Variants in FHIT observed in about 807,000 individuals in gnomAD.
The protein encoded by FHIT is fragile histidine triad diadenosine triphosphatase.
Under a neutral mutation model 17.9 loss-of-function variants are expected in FHIT, and 19 were observed. The ratio of observed to expected loss-of-function variants is 1.06; its 90% CI spans 0.74 to 1.56. FHIT has a LOEUF of 1.56. FHIT is among the 40% of genes most tolerant of loss of function. The pLI is 0.00. For missense variants in FHIT, 248 were observed against 189.2 expected (o/e 1.31, Z -1.82); for synonymous variants, 81 against 69.7 (o/e 1.16, Z -0.81).
chr3:60,253,006 T>C (rs1035498360), intron 5 of FHIT, among the ~76,000 whole-genome samples: 1 of 151,598 alleles, frequency 6.6e-6, no homozygotes, highest in African/African-American at 2.4e-5. Context: ...TCAAAATAAA[T>C]AAATGAATAA....
intron 5 of FHIT, among the ~76,000 whole-genome samples, chr3:60,227,362 A>G (rs1183255211): frequency 2.0e-5 from 3 of 152,216 alleles, no homozygotes; most frequent in Non-Finnish European, 4.4e-5. Context: ...CCGAAGGACC[A>G]CCATCCCACC....
At chr3:61,198,706 G>A (rs879740079) in intron 2 of FHIT, among the ~76,000 whole-genome samples, 2 of 151,988 alleles carry the variant, frequency 1.3e-5, no homozygotes, top group Non-Finnish European at 2.9e-5. Flanking sequence ...ACTTCCAGAG[G>A]CCTCACTTCC....
At chr3:60,082,270 C>A (rs1030160332) in intron 5 of FHIT, among the ~76,000 whole-genome samples, 4 of 151,858 alleles carry the variant, frequency 2.6e-5, no homozygotes, top group African/African-American at 9.7e-5. Context: ...TAATGACCTG[C>A]AGCTGCATTC....
At chr3:60,027,161 C>A (rs1700787775) in intron 5 of FHIT, among the ~76,000 whole-genome samples, 1 of 125,996 alleles carries the variant, frequency 7.9e-6, no homozygotes, top group East Asian at 2.7e-4. Context: ...AATTAGTAAA[C>A]CCAATAATCC....
intron 5 of FHIT, among the ~76,000 whole-genome samples, chr3:60,459,642 CAT>C (rs2032333835): frequency 6.6e-6 from 1 of 152,192 alleles, no homozygotes; most frequent in South Asian, 2.1e-4. Context: ...ATTATAAAGA[CAT>C]TTTCCACAAA....
At position 61,248,455 on chromosome 3, in the gene FHIT, T is replaced by A. The variant is rs187668722; in HGVS notation, c.-213+2846A>T. ...GAGACCAGAGTTACCTGCCTTATTA[T>A]CTGTGAATACATAATTGAAAGGGCC... On this transcript the variant is annotated intron_variant, in intron 1 of 9. Transcript: ENST00000492590. 7.2e-5 allele frequency among the ~76,000 whole-genome samples: 11 copies of A among 152,340 alleles called. No individual in the cohort carries two copies. In the East Asian group the frequency reaches 2.1e-3, roughly 29 times the overall value.
At chr3:60,351,431 G>A (rs1013825174) in intron 5 of FHIT, among the ~76,000 whole-genome samples, 5 of 152,158 alleles carry the variant, frequency 3.3e-5, no homozygotes, top group African/African-American at 1.2e-4. Context: ...TGCAGAAAAT[G>A]AGAAAGGCAC....
intron 8 of FHIT, among the ~76,000 whole-genome samples, chr3:59,809,046 T>C (rs72888513): frequency 6.6e-6 from 1 of 152,160 alleles, no homozygotes; most frequent in Non-Finnish European, 1.5e-5. Context: ...AGAACTACAG[T>C]ATCAGCCCAG....
intron 2 of FHIT, among the ~76,000 whole-genome samples, chr3:61,093,604 A>C (rs769861612): frequency 2.2e-4 from 33 of 152,216 alleles, no homozygotes; most frequent in Non-Finnish European, 3.5e-4. Context: ...CCGGGATAGG[A>C]AAGTAGATCA....
At chr3:61,004,134 T>G (rs924650571) in intron 3 of FHIT, among the ~76,000 whole-genome samples, 1 of 152,254 alleles carries the variant, frequency 6.6e-6, no homozygotes, top group Middle Eastern at 3.4e-3. Context: ...ACATGAATAT[T>G]GTGCAAGTGA....
chr3:59,903,232 C>T (rs921936028), intron 8 of FHIT, among the ~76,000 whole-genome samples: 3 of 152,116 alleles, frequency 2.0e-5, no homozygotes, highest in South Asian at 2.1e-4. Context: ...ATGTCCATAA[C>T]AGGCAAATAG....
At chr3:60,452,890 A>G (rs559761377) in intron 5 of FHIT, among the ~76,000 whole-genome samples, 7 of 152,352 alleles carry the variant, frequency 4.6e-5, no homozygotes, top group Non-Finnish European at 8.8e-5. Flanking sequence ...AGTGTCTTCA[A>G]CAATGAAATA....
intron 5 of FHIT, among the ~76,000 whole-genome samples, chr3:60,271,054 C>G (rs963107906): frequency 2.0e-5 from 3 of 152,142 alleles, no homozygotes; most frequent in African/African-American, 7.2e-5. Context: ...CAGTGGACTG[C>G]TGCTATTTGG....
chr3:60,440,555 A>G (rs982689132), intron 5 of FHIT, among the ~76,000 whole-genome samples: 1 of 152,082 alleles, frequency 6.6e-6, no homozygotes, highest in Non-Finnish European at 1.5e-5. Context: ...ATAAAGTACT[A>G]TTGATATCTT....
intron 2 of FHIT, among the ~76,000 whole-genome samples, chr3:61,144,088 C>T (rs556715997): frequency 2.7e-4 from 41 of 152,170 alleles, no homozygotes; most frequent in Non-Finnish European, 4.1e-4. Flanking sequence ...TTAAACTGTA[C>T]GATTCATTCA....
At chr3:60,296,477 T>C (rs908632247) in intron 5 of FHIT, among the ~76,000 whole-genome samples, 3 of 152,166 alleles carry the variant, frequency 2.0e-5, no homozygotes, top group African/African-American at 7.2e-5. Context: ...TGTCCATGTC[T>C]TTTGCCCATT....
At chr3:59,807,856 T>G (rs564100318) in intron 8 of FHIT, among the ~76,000 whole-genome samples, 37 of 152,314 alleles carry the variant, frequency 2.4e-4, no homozygotes, top group African/African-American at 8.7e-4. Context: ...TTGTTTGGTT[T>G]CATGGAGCAG....
chr3:59,944,660 G>C (rs1027383395), intron 7 of FHIT, among the ~76,000 whole-genome samples: 4 of 151,950 alleles, frequency 2.6e-5, no homozygotes, highest in African/African-American at 4.8e-5. Flanking sequence ...GTAATTCTTT[G>C]ATCCGCTCCC....
At chr3:59,877,748 G>T (rs1703228339) in intron 8 of FHIT, among the ~76,000 whole-genome samples, 1 of 152,198 alleles carries the variant, frequency 6.6e-6, no homozygotes, top group Admixed American at 6.5e-5. Flanking sequence ...ATTCCTATAT[G>T]ATTTCTTATA....
Sources: gnomAD v4.1 joint callset for allele counts (sites outside exome capture counted in the v4.1 genomes callset) on GRCh38, gnomAD v4.1.1 for gene constraint, MANE v1.5 for transcripts, NCBI Gene and HGNC (gene_info 2026-07-23, HGNC 2026-07-21) for gene names.